Variants in CAPN5 observed in about 807,000 individuals in gnomAD.
CAPN5 encodes calpain 5.
Under a neutral mutation model 73.0 loss-of-function variants are expected in CAPN5, and 54 were observed. The observed-to-expected ratio is 0.74, with a 90% CI of 0.59 to 0.93. CAPN5 has a LOEUF of 0.93. CAPN5 is among the 40% of genes least tolerant of loss of function. The probability of loss-of-function intolerance (pLI) is 0.00; values close to 1 mark genes in which losing one functional copy is unlikely to be tolerated. For missense variants in CAPN5, 785 were observed against 882.9 expected (o/e 0.89, Z 1.41); for synonymous variants, 335 against 356.9 (o/e 0.94, Z 0.69).
chr11:77,112,839 G>A, intron 4 of CAPN5, 42 bp downstream of exon 4: 2 of 1,587,206 alleles, frequency 1.3e-6, no homozygotes, highest in Non-Finnish European at 1.7e-6. Flanking sequence ...GGCCCAGACG[G>A]GGGTGGCACC....
intron 7 of CAPN5, 39 bp from the exon 8 acceptor site, chr11:77,118,118 G>T: frequency 6.4e-7 from 1 of 1,573,322 alleles, no homozygotes. Flanking sequence ...CTGGGGAGGT[G>T]TGGGGGAGGT....
intron 3 of CAPN5, among the ~76,000 whole-genome samples, chr11:77,109,024 C>G (rs981803064): frequency 3.9e-5 from 6 of 152,226 alleles, no homozygotes; most frequent in Non-Finnish European, 8.8e-5. Flanking sequence ...GACATGTTCT[C>G]TGTCCCCTGC....
At chr11:77,102,056 G>T (rs1347387395) in intron 3 of CAPN5, among the ~76,000 whole-genome samples, 10 of 152,210 alleles carry the variant, frequency 6.6e-5, no homozygotes, top group Admixed American at 6.5e-4. Context: ...CACCTGGGAG[G>T]TGGTTAGGAA....
chr11:77,072,131 C>T (rs1949914234), intron 1 of CAPN5, among the ~76,000 whole-genome samples: 1 of 152,252 alleles, frequency 6.6e-6, no homozygotes, highest in South Asian at 2.1e-4. Flanking sequence ...CCAGCCACAA[C>T]CTGGCTGTGG....
chr11:77,108,838 G>A (rs2135468466), intron 3 of CAPN5, among the ~76,000 whole-genome samples: 1 of 152,130 alleles, frequency 6.6e-6, no homozygotes, highest in South Asian at 2.1e-4. Context: ...AATATGCATA[G>A]GTTTTACGGT....
chr11:77,089,357 TG>T (rs1252653633), intron 2 of CAPN5, among the ~76,000 whole-genome samples: 1 of 152,252 alleles, frequency 6.6e-6, no homozygotes, highest in Non-Finnish European at 1.5e-5. Flanking sequence ...GTTTTCTCTC[TG>T]GCTCCTGCTG....
At chr11:77,085,806 C>G (rs1250437705) in intron 2 of CAPN5, among the ~76,000 whole-genome samples, 1 of 152,084 alleles carries the variant, frequency 6.6e-6, no homozygotes, top group African/African-American at 2.4e-5. Context: ...AGAATGGGGT[C>G]CCTGGTGGCC....
intron 2 of CAPN5, among the ~76,000 whole-genome samples, chr11:77,089,888 A>AAAAC (rs1276762180): frequency 9.2e-5 from 14 of 152,108 alleles, no homozygotes; most frequent in Non-Finnish European, 1.6e-4. Flanking sequence ...AAAACAAACA[A>AAAAC]AAACAAACAA....
Position 77,119,172 on chromosome 11 carries a change from C to CT in CAPN5, c.1290+21dup, listed in dbSNP as rs1950498653. On this transcript the variant is annotated intron_variant, in intron 9 of 12. Coordinates refer to ENST00000648180, the MANE Select transcript of CAPN5 (RefSeq NM_004055.5). ...TACAAGGTGAGGCCAGCCGGGTCCC[C>CT]TGCCGTGGGTGGGGAGAGGGAGGGA... 6.3e-7 allele frequency: 1 copy of CT among 1,598,046 alleles called. No homozygotes were observed. The highest frequency in any genetic ancestry group is 1.3e-5 in the African/African-American group (1 of 74,570).
chr11:77,089,023 C>T (rs1326163631), intron 2 of CAPN5, among the ~76,000 whole-genome samples: 1 of 152,176 alleles, frequency 6.6e-6, no homozygotes, highest in Non-Finnish European at 1.5e-5. Flanking sequence ...GTCCCCCCTC[C>T]CTCCCAGGGA....
At chr11:77,111,089 G>A (rs1251511523) in intron 3 of CAPN5, among the ~76,000 whole-genome samples, 1 of 152,022 alleles carries the variant, frequency 6.6e-6, no homozygotes, top group Non-Finnish European at 1.5e-5. Flanking sequence ...ATCTGCTTGG[G>A]GGACGCCTGT....
At chr11:77,109,712 A>G (rs115240144) in intron 3 of CAPN5, among the ~76,000 whole-genome samples, 2,503 of 152,246 alleles carry the variant, frequency 0.016, 73 homozygotes, top group African/African-American at 0.058. Flanking sequence ...CTGAGGGGTG[A>G]GAAGGCTGGC....
intron 8 of CAPN5, 104 bp from the exon 9 acceptor site, chr11:77,118,926 G>T: frequency 7.7e-7 from 1 of 1,300,316 alleles, no homozygotes; most frequent in Non-Finnish European, 1.1e-6. Flanking sequence ...GAGAGGTGCT[G>T]TGACTGGTCC....
At chr11:77,071,752 A>T (rs1165646545) in intron 1 of CAPN5, 2 of 413,932 alleles carry the variant, frequency 4.8e-6, no homozygotes, top group African/African-American at 4.1e-5. Flanking sequence ...GGGTATGGGG[A>T]GCAGGCGCTG....
At chr11:77,123,220 C>G (rs2135491842) in intron 12 of CAPN5, among the ~76,000 whole-genome samples, 1 of 152,322 alleles carries the variant, frequency 6.6e-6, no homozygotes, top group Non-Finnish European at 1.5e-5. Context: ...ATCAGCATCT[C>G]TCTCAGTGAG....
chr11:77,075,178 A>G (rs2135409698), intron 1 of CAPN5, among the ~76,000 whole-genome samples: 1 of 151,938 alleles, frequency 6.6e-6, no homozygotes, highest in East Asian at 2.0e-4. Flanking sequence ...CTGCAGCCTC[A>G]TCCATGATCC....
At chr11:77,086,919 G>T (rs996327477) in intron 2 of CAPN5, among the ~76,000 whole-genome samples, 2 of 152,230 alleles carry the variant, frequency 1.3e-5, no homozygotes, top group Non-Finnish European at 2.9e-5. Flanking sequence ...CCCTTTCTGA[G>T]CCCCTTTCCT....
At chr11:77,090,751 C>A (rs1032484721) in intron 2 of CAPN5, among the ~76,000 whole-genome samples, 4 of 152,186 alleles carry the variant, frequency 2.6e-5, no homozygotes, top group African/African-American at 7.2e-5. Flanking sequence ...TATGGAAGCC[C>A]CTCTCCCTTC....
chr11:77,113,903 A>G (rs1555041169), intron 4 of CAPN5, among the ~76,000 whole-genome samples: 1 of 152,198 alleles, frequency 6.6e-6, no homozygotes, highest in Non-Finnish European at 1.5e-5. Flanking sequence ...ATCTATCCCC[A>G]GAACCTTCTC....
Sources: gnomAD v4.1 joint callset for allele counts (sites outside exome capture counted in the v4.1 genomes callset) on GRCh38, gnomAD v4.1.1 for gene constraint, MANE v1.5 for transcripts, NCBI Gene and HGNC (gene_info 2026-07-23, HGNC 2026-07-21) for gene names.